AKAP6: variants seen among roughly 807,000 people sequenced by gnomAD.
The protein encoded by AKAP6 is A-kinase anchor protein 6.
Under a neutral mutation model 188.5 loss-of-function variants are expected in AKAP6, and 58 were observed. The observed-to-expected ratio is 0.31, with a 90% confidence interval of 0.25 to 0.38. The LOEUF is 0.38. Among genes scored for constraint, AKAP6 ranks in the 10% least tolerant of loss-of-function variants. The pLI, the probability that AKAP6 is intolerant of heterozygous loss-of-function variation, is 1.00. For synonymous variants in AKAP6, 989 were observed against 998.6 expected, an observed-to-expected ratio of 0.99 and a Z score of 0.18; for missense variants, 2,710 against 2,740.0, an observed-to-expected ratio of 0.99 and a Z score of 0.24.
intron 9 of AKAP6, among the ~76,000 whole-genome samples, chr14:32,713,895 C>G (rs2030033944): frequency 6.6e-6 from 1 of 152,040 alleles, no homozygotes; most frequent in Non-Finnish European, 1.5e-5. Context: ...TTTTCTTTTG[C>G]ATTCACAACT....
At chr14:32,372,954 A>G (rs903026634) in intron 1 of AKAP6, among the ~76,000 whole-genome samples, 3 of 152,072 alleles carry the variant, frequency 2.0e-5, no homozygotes, top group Non-Finnish European at 4.4e-5. Context: ...TTGAAGTACT[A>G]TTGCTAATTG....
intron 7 of AKAP6, among the ~76,000 whole-genome samples, chr14:32,654,754 C>A (rs1258576562): frequency 2.6e-5 from 4 of 151,058 alleles, no homozygotes; most frequent in African/African-American, 9.7e-5. Context: ...GAGGCTGAGG[C>A]GGCAGGATAG....
In AKAP6 at chr14:32,515,739, C is replaced by T. The variant is rs577135152; in HGVS notation, c.325-19815C>T. ...AGTGATCTAGATACATTTTTTGCTT[C>T]ATATATTCTTTTCATGATCATCTTG... On this transcript the variant is annotated intron_variant, in intron 2 of 13. Coordinates refer to ENST00000280979, the MANE Select transcript of AKAP6 (RefSeq NM_004274.5). 3.3e-5 allele frequency among the ~76,000 whole-genome samples: 5 copies of T among 152,198 alleles called. No individual in the cohort carries two copies. The South Asian group carries it at 8.3e-4, about 25-fold the overall frequency.
In AKAP6 at chr14:32,394,882, C is replaced by A. The variant is rs369320224; in HGVS notation, c.-34-38578C>A. 4.6e-5 allele frequency among the ~76,000 whole-genome samples: 7 copies of A among 152,104 alleles called. No individual in the cohort carries two copies. In the East Asian group the frequency reaches 9.6e-4, roughly 21 times the overall value. ...AACTAAAGGAAAAGGAGGAAAATATCTCTGCAAAATTATGGGGCAAAACAA... is the reference window on the plus strand; with the variant it reads ...AACTAAAGGAAAAGGAGGAAAATATATCTGCAAAATTATGGGGCAAAACAA... On this transcript the variant is annotated intron_variant, in intron 1 of 13. Transcript: ENST00000280979.
intron 11 of AKAP6, among the ~76,000 whole-genome samples, chr14:32,737,968 G>A (rs564020646): frequency 3.9e-5 from 6 of 152,226 alleles, no homozygotes; most frequent in African/African-American, 9.6e-5. Flanking sequence ...TAAGCAATAC[G>A]TATGAGAAAT....
At chr14:32,508,887 G>A (rs1198453303) in intron 2 of AKAP6, among the ~76,000 whole-genome samples, 1 of 151,390 alleles carries the variant, frequency 6.6e-6, no homozygotes, top group African/African-American at 2.4e-5. Flanking sequence ...GTGCAGTGGT[G>A]CAATCTCGGC....
intron 5 of AKAP6, among the ~76,000 whole-genome samples, chr14:32,584,030 G>A (rs909258699): frequency 1.2e-4 from 18 of 152,184 alleles, no homozygotes; most frequent in South Asian, 8.3e-4. Context: ...TGAACCCGGT[G>A]CCTCAGATGG....
chr14:32,774,042 CTAAAGCT>C, intron 12 of AKAP6, 149 bp downstream of exon 12: 1 of 756,374 alleles, frequency 1.3e-6, no homozygotes, highest in South Asian at 1.7e-5. Context: ...TTTTAACTAA[CTAAAGCT>C]CATAGTTTTA....
chr14:32,750,563 A>G (rs1331057365), intron 11 of AKAP6, among the ~76,000 whole-genome samples: 1 of 151,824 alleles, frequency 6.6e-6, no homozygotes, highest in Non-Finnish European at 1.5e-5. Context: ...CTCTACAAAA[A>G]AAAAAAGATT....
rs527275671 is a variant in AKAP6, at chr14:32,833,238, A to C, written c.*3433A>C. The C allele has an allele frequency of 6.6e-6, 1 of 152,212 alleles. No homozygotes were observed. Among genetic ancestry groups the C allele is most frequent in the African/African-American group, 2.4e-5 (1 of 41,460 alleles). 9.4% of individuals were successfully genotyped at this position (152,212 alleles called of 1,614,324 possible). On this transcript the variant is annotated 3_prime_UTR_variant, in exon 14 of 14. Coordinates refer to ENST00000280979, the MANE Select transcript of AKAP6 (RefSeq NM_004274.5). ...ACCTATGTGAGGCACTATATTTGGC[A>C]TTAGGTATATAAAGGCAACTAACAC...
At chr14:32,454,853 TTCCC>T (rs1318240186) in intron 2 of AKAP6, among the ~76,000 whole-genome samples, 2 of 10,162 alleles carry the variant, frequency 2.0e-4, no homozygotes, top group Non-Finnish European at 3.1e-4. Context: ...CCCTCCCTCC[TTCCC>T]TCCCTCCCTC....
In AKAP6 at chr14:32,678,944, G is replaced by T. The variant is rs925708337; in HGVS notation, c.2879+485G>T. On this transcript the variant is annotated intron_variant, in intron 8 of 13. Transcript: ENST00000280979. Reference sequence around the variant, plus strand: ...ACTTAGCTTCACATGAAGTCAATTGGAATAGACTAGCTCTTGCATTATCTA... The same window carrying T: ...ACTTAGCTTCACATGAAGTCAATTGTAATAGACTAGCTCTTGCATTATCTA... Among the ~76,000 whole-genome samples, 5 of 152,280 alleles carry T rather than the reference G, an allele frequency of 3.3e-5. No homozygotes were observed. The South Asian group carries it at 1.0e-3, about 32-fold the overall frequency.
chr14:32,404,494 G>A (rs1889208498), intron 1 of AKAP6, among the ~76,000 whole-genome samples: 1 of 151,402 alleles, frequency 6.6e-6, no homozygotes, highest in African/African-American at 2.4e-5. Context: ...CCTCAGCTAA[G>A]TGCACATCCT....
At chr14:32,441,320 A>C (rs1890569067) in intron 2 of AKAP6, among the ~76,000 whole-genome samples, 1 of 152,170 alleles carries the variant, frequency 6.6e-6, no homozygotes, top group Non-Finnish European at 1.5e-5. Flanking sequence ...ATTGTGTAAG[A>C]CTATTTGGTA....
intron 4 of AKAP6, among the ~76,000 whole-genome samples, chr14:32,561,601 T>A (rs1341335782): frequency 6.6e-6 from 1 of 152,164 alleles, no homozygotes; most frequent in Admixed American, 6.5e-5. Context: ...TAATGGTAAG[T>A]GAATGTGAGG....
chr14:32,599,571 C>A, intron 6 of AKAP6, 65 bp downstream of exon 6: 2 of 1,194,904 alleles, frequency 1.7e-6, no homozygotes, highest in Non-Finnish European at 2.5e-6. Context: ...AGAAGCATTG[C>A]TGTAAATTAC....
At chr14:32,425,581 AAGAAAG>A (rs1288395349) in intron 1 of AKAP6, among the ~76,000 whole-genome samples, 1 of 151,940 alleles carries the variant, frequency 6.6e-6, no homozygotes, top group Non-Finnish European at 1.5e-5. Context: ...AGAGGAAAGA[AAGAAAG>A]AGAGAAAGAG....
chr14:32,458,861 T>A (rs1283303984), intron 2 of AKAP6, among the ~76,000 whole-genome samples: 1 of 152,060 alleles, frequency 6.6e-6, no homozygotes, highest in Admixed American at 6.5e-5. Flanking sequence ...ATTTCAGGAA[T>A]GAAGACTATG....
chr14:32,457,113 G>A (rs1401886951), intron 2 of AKAP6, among the ~76,000 whole-genome samples: 1 of 152,148 alleles, frequency 6.6e-6, no homozygotes, highest in Non-Finnish European at 1.5e-5. Flanking sequence ...ATGTGTCACT[G>A]ATTAAATGGA....
Sources: allele counts gnomAD v4.1 joint callset (sites outside exome capture counted in the v4.1 genomes callset), GRCh38; gene constraint gnomAD v4.1.1; transcripts MANE v1.5; gene names NCBI Gene and HGNC (gene_info 2026-07-23, HGNC 2026-07-21).